Variants in MACROD2 observed in about 807,000 individuals in gnomAD.
MACROD2 encodes mono-ADP ribosylhydrolase 2.
In MACROD2, 36 loss-of-function variants were observed where a neutral mutation model predicts 70.4. The observed-to-expected ratio is 0.51, with a 90% confidence interval of 0.39 to 0.68. The LOEUF is 0.68. Among genes scored for constraint, MACROD2 ranks in the 30% least tolerant of loss-of-function variants. MACROD2 has a pLI of 0.00. For synonymous variants in MACROD2, 172 were observed against 178.8 expected (o/e 0.96, Z 0.30); for missense variants, 496 against 538.4 (o/e 0.92, Z 0.78).
intron 7 of MACROD2, among the ~76,000 whole-genome samples, chr20:15,450,857 G>T (rs940934542): frequency 6.6e-6 from 1 of 152,070 alleles, no homozygotes; most frequent in Non-Finnish European, 1.5e-5. Context: ...ACATCTCTCA[G>T]AATTAAACCT....
chr20:14,894,198 CTATTT>C (rs2051835263), intron 5 of MACROD2: 1 of 151,800 alleles, frequency 6.6e-6, no homozygotes, highest in African/African-American at 2.4e-5. Flanking sequence ...AAACTTAAGA[CTATTT>C]TATTTCTCAT....
At chr20:14,204,460 C>T (rs1170228010) in intron 3 of MACROD2, among the ~76,000 whole-genome samples, 2 of 136,496 alleles carry the variant, frequency 1.5e-5, no homozygotes, top group Non-Finnish European at 3.2e-5. Flanking sequence ...TGGTGCTGTA[C>T]CATAGCTGCT....
At chr20:15,328,607 T>C (rs2077957946) in intron 6 of MACROD2, among the ~76,000 whole-genome samples, 1 of 152,154 alleles carries the variant, frequency 6.6e-6, no homozygotes, top group Non-Finnish European at 1.5e-5. Flanking sequence ...GGACAGAAAT[T>C]AATTGCATTG....
chr20:14,890,963 C>T (rs2073749289), intron 5 of MACROD2, among the ~76,000 whole-genome samples: 1 of 127,698 alleles, frequency 7.8e-6, no homozygotes, highest in Non-Finnish European at 1.6e-5. Flanking sequence ...TCCTTCCTTC[C>T]TTCCTTCCTT....
At chr20:14,670,005 C>T (rs904754149) in intron 4 of MACROD2, among the ~76,000 whole-genome samples, 1 of 151,798 alleles carries the variant, frequency 6.6e-6, no homozygotes, top group African/African-American at 2.4e-5. Flanking sequence ...GATGGAGGAA[C>T]GAGGATGCTC....
Position 15,586,533 on chromosome 20 carries a change from A to G in MACROD2, c.645+86686A>G, listed in dbSNP as rs563956090. 9.3e-4 allele frequency among the ~76,000 whole-genome samples: 142 copies of G among 152,348 alleles called. 2 individuals are homozygous for G. Among genetic ancestry groups the G allele is most frequent in the Admixed American group, 2.5e-3 (39 of 15,300 alleles). On this transcript the variant is annotated intron_variant, in intron 8 of 17. Transcript: ENST00000684519. Reference sequence around the variant, plus strand: ...TAGATGGATTCTTTCTTAACATGATAAAACACACTGATCTCAATATAAAAG... The same window carrying G: ...TAGATGGATTCTTTCTTAACATGATGAAACACACTGATCTCAATATAAAAG...
At chr20:15,829,288 T>C (rs1264715367) in intron 8 of MACROD2, among the ~76,000 whole-genome samples, 1 of 152,172 alleles carries the variant, frequency 6.6e-6, no homozygotes, top group Admixed American at 6.6e-5. Flanking sequence ...TGTAAGGTTT[T>C]CTCCTTCTCT....
At chr20:14,280,331 T>A (rs925241688) in intron 3 of MACROD2, among the ~76,000 whole-genome samples, 1 of 152,224 alleles carries the variant, frequency 6.6e-6, no homozygotes, top group Admixed American at 6.5e-5. Context: ...ATGATTTTAA[T>A]ATCTTTTGGA....
chr20:15,328,163 T>G (rs1217221246), intron 6 of MACROD2, among the ~76,000 whole-genome samples: 4 of 151,872 alleles, frequency 2.6e-5, no homozygotes, highest in Non-Finnish European at 5.9e-5. Context: ...AGGTAATAGT[T>G]AGATAAATTT....
chr20:15,136,801 G>T (rs916343705), intron 5 of MACROD2, among the ~76,000 whole-genome samples: 1 of 151,970 alleles, frequency 6.6e-6, no homozygotes, highest in African/African-American at 2.4e-5. Context: ...GAAAATTTTC[G>T]CAACCTACTC....
intron 3 of MACROD2, among the ~76,000 whole-genome samples, chr20:14,106,715 G>C (rs2054374143): frequency 6.6e-6 from 1 of 152,146 alleles, no homozygotes; most frequent in Non-Finnish European, 1.5e-5. Flanking sequence ...CTCAGTTCCA[G>C]GTGGCTCAGC....
At chr20:14,903,556 G>A (rs2122560953) in intron 5 of MACROD2, among the ~76,000 whole-genome samples, 1 of 136,868 alleles carries the variant, frequency 7.3e-6, no homozygotes, top group East Asian at 2.2e-4. Context: ...AATTTTGTTA[G>A]TTTTAAATTT....
chr20:15,559,826 T>C (rs1374019754), intron 8 of MACROD2, among the ~76,000 whole-genome samples: 1 of 152,226 alleles, frequency 6.6e-6, no homozygotes, highest in Non-Finnish European at 1.5e-5. Context: ...GTCCAAGTTA[T>C]AAACATGGAG....
At chr20:14,811,679 CATCT>C (rs2072712738) in intron 5 of MACROD2, among the ~76,000 whole-genome samples, 1 of 151,892 alleles carries the variant, frequency 6.6e-6, no homozygotes, top group Non-Finnish European at 1.5e-5. Context: ...GCAATCCATC[CATCT>C]GACAAAGGGC....
intron 5 of MACROD2, chr20:14,935,386 A>T (rs563893644): frequency 1.3e-5 from 2 of 152,260 alleles, no homozygotes; most frequent in African/African-American, 4.8e-5. Flanking sequence ...TCTTTAGAGT[A>T]CTAATTTTTC....
At chr20:15,428,566 C>A (rs1289474628) in intron 6 of MACROD2, among the ~76,000 whole-genome samples, 1 of 152,264 alleles carries the variant, frequency 6.6e-6, no homozygotes, top group East Asian at 1.9e-4. Flanking sequence ...TCCAAACACA[C>A]CTTGTTAAAC....
At chr20:14,674,860 G>A (rs1362194208) in intron 4 of MACROD2, among the ~76,000 whole-genome samples, 4 of 152,136 alleles carry the variant, frequency 2.6e-5, no homozygotes, top group African/African-American at 4.8e-5. Flanking sequence ...AATGAGCGAA[G>A]CCTCTTACTT....
intron 3 of MACROD2, among the ~76,000 whole-genome samples, chr20:14,321,070 T>C (rs777436663): frequency 2.6e-5 from 4 of 152,026 alleles, no homozygotes; most frequent in Non-Finnish European, 5.9e-5. Context: ...CTGCTACTTA[T>C]AAAAAAGAAG....
chr20:14,426,050 T>G (rs1022704500), intron 3 of MACROD2, among the ~76,000 whole-genome samples: 3 of 152,200 alleles, frequency 2.0e-5, no homozygotes, highest in Non-Finnish European at 2.9e-5. Context: ...CTCTATAATG[T>G]GCTTTGATGT....
Sources: gnomAD v4.1 joint callset for allele counts (sites outside exome capture counted in the v4.1 genomes callset) on GRCh38, gnomAD v4.1.1 for gene constraint, MANE v1.5 for transcripts, NCBI Gene and HGNC (gene_info 2026-07-23, HGNC 2026-07-21) for gene names.